NAA60: variants seen among roughly 807,000 people sequenced by gnomAD.
NAA60 encodes the protein N-alpha-acetyltransferase 60, NatF catalytic subunit.
Under a neutral mutation model 26.1 loss-of-function variants are expected in NAA60, and 8 were observed. The observed-to-expected ratio is 0.31, with a 90% CI of 0.18 to 0.55. NAA60 has a LOEUF of 0.55. Among genes scored for constraint, NAA60 ranks in the 20% least tolerant of loss-of-function variants. The pLI, the probability that NAA60 is intolerant of heterozygous loss-of-function variation, is 0.93. For missense variants in NAA60, 290 were observed against 311.3 expected (o/e 0.93, Z 0.51); for synonymous variants, 131 against 122.5 (o/e 1.07, Z -0.46).
chr16:3,458,096 C>A, intron 2 of NAA60: 2 of 985,312 alleles, frequency 2.0e-6, no homozygotes, highest in Non-Finnish European at 2.4e-6. Flanking sequence ...TTGCGGGCTC[C>A]GCGCGGTCCC....
chr16:3,464,156 C>T (rs1473107528), intron 2 of NAA60, among the ~76,000 whole-genome samples: 2 of 152,178 alleles, frequency 1.3e-5, no homozygotes, highest in African/African-American at 4.8e-5. Flanking sequence ...GCCTCAGCCT[C>T]CCAAGTAGCT....
At chr16:3,477,272 C>T (rs986719436) in intron 3 of NAA60, among the ~76,000 whole-genome samples, 2 of 152,190 alleles carry the variant, frequency 1.3e-5, no homozygotes, top group African/African-American at 4.8e-5. Context: ...TCTTGTCTGT[C>T]TTGCCTACAA....
At chr16:3,447,659 T>A in intron 1 of NAA60, 1 of 984,108 alleles carries the variant, frequency 1.0e-6, no homozygotes, top group Non-Finnish European at 1.2e-6. Flanking sequence ...CAGCAAGAGG[T>A]TTTCTTACTG....
intron 3 of NAA60, 49 bp from the exon 4 acceptor site, chr16:3,479,422 G>A (rs753644563): frequency 1.2e-6 from 2 of 1,602,724 alleles, no homozygotes; most frequent in Non-Finnish European, 1.7e-6. Flanking sequence ...CACGACCATA[G>A]TTGGACTTGA....
At chr16:3,458,195 G>T (rs548340381) in intron 2 of NAA60, 5 of 984,720 alleles carry the variant, frequency 5.1e-6, no homozygotes, top group Non-Finnish European at 6.0e-6. Context: ...AGGTGGCGGG[G>T]GGCGGCCGCC....
chr16:3,483,785 A>G, intron 6 of NAA60, 188 bp downstream of exon 6: 2 of 595,132 alleles, frequency 3.4e-6, no homozygotes, highest in Non-Finnish European at 5.9e-6. Flanking sequence ...CGAGTTGCAC[A>G]TATTACCATG....
chr16:3,460,698 T>G (rs529470240), intron 2 of NAA60, among the ~76,000 whole-genome samples: 1 of 152,330 alleles, frequency 6.6e-6, no homozygotes, highest in East Asian at 1.9e-4. Context: ...TTTTCCTGGT[T>G]TGCAGAAAGC....
intron 2 of NAA60, among the ~76,000 whole-genome samples, chr16:3,473,824 T>C (rs531341635): frequency 1.3e-5 from 2 of 152,068 alleles, no homozygotes; most frequent in Non-Finnish European, 2.9e-5. Context: ...AACCTCTGCT[T>C]CTTGGGTTCA....
intron 2 of NAA60, among the ~76,000 whole-genome samples, chr16:3,464,342 A>G (rs1323837629): frequency 6.6e-6 from 1 of 152,212 alleles, no homozygotes; most frequent in Non-Finnish European, 1.5e-5. Flanking sequence ...ATTTGATTCC[A>G]GAGGATCTTA....
intron 2 of NAA60, among the ~76,000 whole-genome samples, chr16:3,458,599 C>A (rs528122069): frequency 3.3e-5 from 5 of 152,160 alleles, no homozygotes; most frequent in Non-Finnish European, 5.9e-5. Flanking sequence ...GCCTTCGCCC[C>A]GCTCTCGCCT....
intron 2 of NAA60, among the ~76,000 whole-genome samples, chr16:3,475,742 T>C (rs778083618): frequency 4.6e-5 from 7 of 152,150 alleles, no homozygotes; most frequent in Non-Finnish European, 1.0e-4. Context: ...AGCCGCACCA[T>C]TTCCCCTGCA....
chr16:3,462,304 G>A (rs529653639), intron 2 of NAA60, among the ~76,000 whole-genome samples: 1 of 152,084 alleles, frequency 6.6e-6, no homozygotes, highest in African/African-American at 2.4e-5. Context: ...TTCTCCCTTA[G>A]GTACCAAAAA....
At chr16:3,462,052 ATT>A (rs1224684273) in intron 2 of NAA60, among the ~76,000 whole-genome samples, 2 of 141,988 alleles carry the variant, frequency 1.4e-5, no homozygotes, top group South Asian at 2.4e-4. Flanking sequence ...GTGCCACTGC[ATT>A]CCAGCCGGAG....
chr16:3,466,485 C>T (rs1032486243), intron 2 of NAA60, among the ~76,000 whole-genome samples: 7 of 152,220 alleles, frequency 4.6e-5, no homozygotes, highest in Non-Finnish European at 8.8e-5. Context: ...CCACTTTTAG[C>T]CCTTGAGCCC....
At chr16:3,480,236 G>A (rs1403764871) in intron 4 of NAA60, among the ~76,000 whole-genome samples, 1 of 152,200 alleles carries the variant, frequency 6.6e-6, no homozygotes, top group Non-Finnish European at 1.5e-5. Context: ...ATTTAGCCAA[G>A]GAGGGAAAAA....
At chr16:3,476,660 G>T (rs2036502522) in intron 3 of NAA60, among the ~76,000 whole-genome samples, 1 of 152,162 alleles carries the variant, frequency 6.6e-6, no homozygotes, top group Admixed American at 6.5e-5. Flanking sequence ...TTGGTTACAT[G>T]CATTAGAGTA....
chr16:3,469,900 A>T (rs1436729687), intron 2 of NAA60, among the ~76,000 whole-genome samples: 1 of 152,190 alleles, frequency 6.6e-6, no homozygotes, highest in Non-Finnish European at 1.5e-5. Context: ...GCACTGCATC[A>T]TGCTGGGCCT....
intron 2 of NAA60, among the ~76,000 whole-genome samples, chr16:3,453,189 G>A (rs961011237): frequency 6.6e-6 from 1 of 152,078 alleles, no homozygotes. Flanking sequence ...CTGAGCTCAG[G>A]AGTTCAGGAC....
intron 6 of NAA60, 95 bp from the exon 7 acceptor site, chr16:3,484,604 C>T (rs2037056678): frequency 4.7e-6 from 7 of 1,480,402 alleles, no homozygotes; most frequent in Non-Finnish European, 5.5e-6. Flanking sequence ...TTGCCATCTG[C>T]ACACAGTCCC....
Sources: allele counts gnomAD v4.1 joint callset (sites outside exome capture counted in the v4.1 genomes callset), GRCh38; gene constraint gnomAD v4.1.1; transcripts MANE v1.5; gene names NCBI Gene and HGNC (gene_info 2026-07-23, HGNC 2026-07-21).